The following SLC24A2 variants were observed in gnomAD, a reference collection of about 807,000 sequenced individuals.
The protein encoded by SLC24A2 is solute carrier family 24 member 2.
SLC24A2 carries 36 observed loss-of-function variants against 62.0 expected under a neutral mutation model. The ratio of observed to expected loss-of-function variants is 0.58; its 90% CI spans 0.44 to 0.77. The LOEUF is 0.77. Among genes scored for constraint, SLC24A2 ranks in the 30% least tolerant of loss-of-function variants. The pLI, the probability that SLC24A2 is intolerant of heterozygous loss-of-function variation, is 0.00. For missense variants in SLC24A2, 846 were observed against 817.9 expected (o/e 1.03, Z -0.42); for synonymous variants, 358 against 294.0 (o/e 1.22, Z -2.23).
At chr9:20,040,627 C>A in the SLC24A2 span, among the ~76,000 whole-genome samples, 1 of 152,190 alleles carries the variant, frequency 6.6e-6, no homozygotes, top group Non-Finnish European at 1.5e-5. Flanking sequence ...TAGACTTATT[C>A]TTTGTGGCTA....
the SLC24A2 span, among the ~76,000 whole-genome samples, chr9:20,286,494 A>C: frequency 6.6e-6 from 1 of 152,250 alleles, no homozygotes; most frequent in African/African-American, 2.4e-5. Context: ...GGCACAGGAC[A>C]ACTCAGTTTC....
the SLC24A2 span, among the ~76,000 whole-genome samples, chr9:20,269,605 A>G: frequency 6.6e-6 from 1 of 152,266 alleles, no homozygotes; most frequent in East Asian, 1.9e-4. Flanking sequence ...GTCCTTTAAT[A>G]TCCAGATAAG....
chr9:20,034,459 T>G, the SLC24A2 span, among the ~76,000 whole-genome samples: 103 of 136,968 alleles, frequency 7.5e-4, 1 homozygote, highest in South Asian at 6.2e-3. Context: ...AAGTTTTTTT[T>G]TTTTTTTTTT....
At chr9:20,288,542 G>A in the SLC24A2 span, among the ~76,000 whole-genome samples, 19 of 152,116 alleles carry the variant, frequency 1.2e-4, no homozygotes, top group Non-Finnish European at 2.6e-4. Flanking sequence ...GCTAAGGCAG[G>A]TGGATCATTT....
the SLC24A2 span, among the ~76,000 whole-genome samples, chr9:20,150,914 T>C: frequency 6.6e-6 from 1 of 152,058 alleles, no homozygotes; most frequent in South Asian, 2.1e-4. Context: ...TTTTATTCCA[T>C]TGACATTTTT....
intron 4 of SLC24A2, among the ~76,000 whole-genome samples, chr9:19,601,518 C>T (rs796691837): frequency 2.0e-5 from 3 of 152,276 alleles, no homozygotes; most frequent in African/African-American, 7.2e-5. Context: ...CGAAGGTCCA[C>T]GGCTCCATTC....
the SLC24A2 span, among the ~76,000 whole-genome samples, chr9:19,979,283 G>C: frequency 6.6e-6 from 1 of 152,158 alleles, no homozygotes; most frequent in African/African-American, 2.4e-5. Flanking sequence ...GGTGGTGCCT[G>C]AGTTTCTTCA....
chr9:19,990,922 G>GAGATATATATAT, the SLC24A2 span, among the ~76,000 whole-genome samples: 18 of 120,812 alleles, frequency 1.5e-4, no homozygotes, highest in African/African-American at 6.5e-4. Context: ...GGACTAATAG[G>GAGATATATATAT]ATATATATAT....
chr9:19,738,960 T>C (rs1821592375), intron 2 of SLC24A2, among the ~76,000 whole-genome samples: 1 of 151,978 alleles, frequency 6.6e-6, no homozygotes, highest in East Asian at 1.9e-4. Flanking sequence ...CTACTAATAA[T>C]ACAAAAATTA....
the SLC24A2 span, among the ~76,000 whole-genome samples, chr9:20,102,604 G>A: frequency 4.1e-4 from 62 of 151,098 alleles, no homozygotes; most frequent in African/African-American, 1.5e-3. Flanking sequence ...AAACAAACCT[G>A]CACATTCTGC....
chr9:19,652,220 T>C (rs1214972290), intron 2 of SLC24A2, among the ~76,000 whole-genome samples: 2 of 152,210 alleles, frequency 1.3e-5, no homozygotes, highest in Non-Finnish European at 2.9e-5. Flanking sequence ...CCTGGCTTTT[T>C]GTTTGGTGAA....
chr9:19,787,112 G>A lies in SLC24A2; in HGVS notation c.-153-93C>T, dbSNP rs193049488. 7.4e-4 allele frequency: 504 copies of A among 681,368 alleles called. 2 individuals are homozygous for A. Among genetic ancestry groups the A allele is most frequent in the Middle Eastern group, 1.6e-3 (2 of 1,278 alleles). 42.2% of individuals were successfully genotyped at this position (681,368 alleles called of 1,614,324 possible). On this transcript the variant is annotated intron_variant, in intron 1 of 10. Coordinates refer to ENST00000341998, the MANE Select transcript of SLC24A2 (RefSeq NM_020344.4). ...AGATATGATAAAGTCCTGTCCTGCA[G>A]CTGTGCGATCTTGGGTAAGTTACTT...
At chr9:19,909,591 G>A in the SLC24A2 span, among the ~76,000 whole-genome samples, 12 of 151,986 alleles carry the variant, frequency 7.9e-5, no homozygotes, top group African/African-American at 2.9e-4. Flanking sequence ...ATATATGAGG[G>A]AACTAATGAA....
At chr9:20,181,031 T>C in the SLC24A2 span, among the ~76,000 whole-genome samples, 5 of 152,072 alleles carry the variant, frequency 3.3e-5, no homozygotes, top group Admixed American at 6.5e-5. Flanking sequence ...CACATGTTCA[T>C]GTCAAAAAGA....
intron 8 of SLC24A2, among the ~76,000 whole-genome samples, chr9:19,535,449 T>A (rs905559919): frequency 2.0e-5 from 3 of 152,318 alleles, no homozygotes; most frequent in East Asian, 3.9e-4. Flanking sequence ...CAGAATGGTA[T>A]TGCCTAGGTT....
At chr9:20,295,083 TAC>T in the SLC24A2 span, among the ~76,000 whole-genome samples, 17 of 124,638 alleles carry the variant, frequency 1.4e-4, no homozygotes, top group Non-Finnish European at 2.2e-4. Context: ...CACACACACA[TAC>T]ACAGTGTGTA....
intron 7 of SLC24A2, among the ~76,000 whole-genome samples, chr9:19,554,136 G>A (rs1241650048): frequency 1.3e-5 from 2 of 152,156 alleles, no homozygotes; most frequent in Non-Finnish European, 2.9e-5. Context: ...AGAGACACTA[G>A]GGGTTCCTTT....
the SLC24A2 span, among the ~76,000 whole-genome samples, chr9:19,818,557 C>T: frequency 1.5e-3 from 228 of 152,224 alleles, 3 homozygotes; most frequent in African/African-American, 4.6e-3. Context: ...TATATACCAA[C>T]AGCGACTAAG....
chr9:20,180,511 C>A, the SLC24A2 span, among the ~76,000 whole-genome samples: 1 of 152,150 alleles, frequency 6.6e-6, no homozygotes, highest in Non-Finnish European at 1.5e-5. Context: ...AGGGAAGTTT[C>A]AGAAATCCTT....
Sources: gnomAD v4.1 joint callset for allele counts (sites outside exome capture counted in the v4.1 genomes callset) on GRCh38, gnomAD v4.1.1 for gene constraint, MANE v1.5 for transcripts, NCBI Gene and HGNC (gene_info 2026-07-23, HGNC 2026-07-21) for gene names.